ATP8B4: variants seen among roughly 807,000 people sequenced by gnomAD.
ATP8B4 encodes probable phospholipid-transporting ATPase IM.
ATP8B4 carries 133 observed loss-of-function variants against 145.6 expected under a neutral mutation model. That is an observed-to-expected ratio of 0.91 (90% CI 0.79 to 1.05). The LOEUF is 1.05. Among genes scored for constraint, ATP8B4 ranks in the 50% least tolerant of loss-of-function variants. The probability of loss-of-function intolerance (pLI) is 0.00; values close to 1 mark genes in which losing one functional copy is unlikely to be tolerated. For missense variants in ATP8B4, 1,458 were observed against 1,425.2 expected (o/e 1.02, Z -0.37); for synonymous variants, 507 against 492.9 (o/e 1.03, Z -0.38).
At chr15:49,925,043 T>C (rs1213236076) in intron 16 of ATP8B4, among the ~76,000 whole-genome samples, 1 of 152,182 alleles carries the variant, frequency 6.6e-6, no homozygotes, top group Non-Finnish European at 1.5e-5. Context: ...CTCTAACTTA[T>C]GGTCTCAGGA....
intron 1 of ATP8B4, among the ~76,000 whole-genome samples, chr15:50,170,968 C>T (rs2044664996): frequency 6.6e-6 from 1 of 152,176 alleles, no homozygotes; most frequent in Non-Finnish European, 1.5e-5. Flanking sequence ...TGAAGAGAGA[C>T]AGCATAGAAT....
intron 2 of ATP8B4, among the ~76,000 whole-genome samples, chr15:50,083,205 C>T (rs944517097): frequency 5.9e-5 from 9 of 152,242 alleles, no homozygotes; most frequent in African/African-American, 1.7e-4. Context: ...TCCTGTAGTG[C>T]GTGTTTCCTC....
chr15:49,924,665 G>C (rs2153458587), intron 16 of ATP8B4, among the ~76,000 whole-genome samples: 1 of 152,176 alleles, frequency 6.6e-6, no homozygotes, highest in Admixed American at 6.5e-5. Context: ...GTTTCCTCCT[G>C]GCTTACATAG....
chr15:50,076,529 T>C (rs1377795506), intron 2 of ATP8B4, among the ~76,000 whole-genome samples: 1 of 151,862 alleles, frequency 6.6e-6, no homozygotes, highest in East Asian at 1.9e-4. Flanking sequence ...AACCATCCTG[T>C]CCAGCATCTC....
intron 1 of ATP8B4, among the ~76,000 whole-genome samples, chr15:50,148,664 A>T (rs1036352418): frequency 1.3e-5 from 2 of 152,228 alleles, no homozygotes; most frequent in Admixed American, 1.3e-4. Context: ...TGAAAAAATA[A>T]ATTTCTGTTC....
chr15:49,997,606 T>C (rs1467326896), intron 8 of ATP8B4, among the ~76,000 whole-genome samples: 1 of 152,000 alleles, frequency 6.6e-6, no homozygotes, highest in Non-Finnish European at 1.5e-5. Flanking sequence ...ACAATCCTCT[T>C]GGGGAAAACA....
At chr15:49,994,403 G>A (rs1048477045) in intron 9 of ATP8B4, among the ~76,000 whole-genome samples, 41 of 151,950 alleles carry the variant, frequency 2.7e-4, no homozygotes, top group South Asian at 2.3e-3. Flanking sequence ...TCTTCCTCTC[G>A]GCCCCCCAAT....
At chr15:50,073,015 TATATACACAC>T (rs1245315328) in intron 3 of ATP8B4, among the ~76,000 whole-genome samples, 648 of 35,860 alleles carry the variant, frequency 0.018, 29 homozygotes, top group African/African-American at 0.021. Context: ...TATATATATA[TATATACACAC>T]ACACACACAC....
intron 9 of ATP8B4, among the ~76,000 whole-genome samples, chr15:49,994,752 T>C (rs1197383134): frequency 1.3e-5 from 2 of 152,082 alleles, no homozygotes; most frequent in Non-Finnish European, 2.9e-5. Context: ...TGGCTCCTTA[T>C]GCATTATCCT....
intron 1 of ATP8B4, among the ~76,000 whole-genome samples, chr15:50,159,627 G>A (rs527905978): frequency 3.3e-5 from 5 of 152,266 alleles, no homozygotes; most frequent in Non-Finnish European, 5.9e-5. Context: ...CAGTATGTGG[G>A]TCTGTCATAT....
chr15:49,918,962 A>C lies in ATP8B4; in HGVS notation c.1924-12T>G. ...GTGGCACCTAGTAGCTTTATTGAAAAAGAGAGAAAAGTTTATGTTAATGCA... is the reference window on the plus strand; with the variant it reads ...GTGGCACCTAGTAGCTTTATTGAAACAGAGAGAAAAGTTTATGTTAATGCA... On this transcript the variant is annotated splice_polypyrimidine_tract_variant and intron_variant, in intron 18 of 27. Coordinates refer to ENST00000284509, the MANE Select transcript of ATP8B4 (RefSeq NM_024837.4). 6.3e-7 allele frequency: 1 copy of C among 1,579,214 alleles called. No homozygotes were observed. Among genetic ancestry groups the C allele is most frequent in the Non-Finnish European group, 8.7e-7 (1 of 1,152,116 alleles).
At chr15:49,972,439 C>T (rs2153522435) in intron 13 of ATP8B4, 143 bp downstream of exon 13, 1 of 682,392 alleles carries the variant, frequency 1.5e-6, no homozygotes, top group Admixed American at 3.0e-5. Flanking sequence ...AGCATATCAG[C>T]ATCTATATGG....
intron 3 of ATP8B4, among the ~76,000 whole-genome samples, chr15:50,051,521 C>T (rs2052186400): frequency 6.6e-6 from 1 of 152,046 alleles, no homozygotes; most frequent in Admixed American, 6.5e-5. Flanking sequence ...GAAAACCGTT[C>T]TGAAAGCTAA....
chr15:50,028,989 C>A (rs1315422916), intron 6 of ATP8B4, among the ~76,000 whole-genome samples: 2 of 152,072 alleles, frequency 1.3e-5, no homozygotes, highest in Non-Finnish European at 2.9e-5. Context: ...AATCCCAGCA[C>A]TTTGGGAGGC....
chr15:50,059,689 C>T (rs2052864351), intron 3 of ATP8B4, among the ~76,000 whole-genome samples: 1 of 152,146 alleles, frequency 6.6e-6, no homozygotes, highest in Admixed American at 6.6e-5. Flanking sequence ...GGTTAGAAAA[C>T]AAAGTTCATC....
intron 3 of ATP8B4, among the ~76,000 whole-genome samples, chr15:50,052,449 A>C (rs1193117030): frequency 6.6e-6 from 1 of 152,254 alleles, no homozygotes; most frequent in Non-Finnish European, 1.5e-5. Flanking sequence ...AGACCAGGGC[A>C]GGGTCCCACA....
At chr15:50,140,474 T>C (rs1595639608) in intron 1 of ATP8B4, among the ~76,000 whole-genome samples, 1 of 152,234 alleles carries the variant, frequency 6.6e-6, no homozygotes, top group African/African-American at 2.4e-5. Context: ...TCATTAAATA[T>C]TTTTTGATTG....
chr15:49,963,087 C>A (rs563953960), intron 13 of ATP8B4, among the ~76,000 whole-genome samples: 61 of 152,058 alleles, frequency 4.0e-4, no homozygotes, highest in African/African-American at 1.4e-3. Flanking sequence ...ACCCGACAAC[C>A]GCCATTAAAA....
intron 20 of ATP8B4, among the ~76,000 whole-genome samples, chr15:49,901,622 AG>A (rs1488486502): frequency 6.6e-6 from 1 of 152,216 alleles, no homozygotes; most frequent in Non-Finnish European, 1.5e-5. Context: ...GGAAAGCACA[AG>A]ACTAAAGACA....
Sources: gnomAD v4.1 joint callset for allele counts (sites outside exome capture counted in the v4.1 genomes callset) on GRCh38, gnomAD v4.1.1 for gene constraint, MANE v1.5 for transcripts, NCBI Gene and HGNC (gene_info 2026-07-23, HGNC 2026-07-21) for gene names.